Variants in HUNK observed in about 807,000 individuals in gnomAD.
HUNK encodes the protein hormonally up-regulated neu tumor-associated kinase.
A neutral mutation model predicts 61.0 loss-of-function variants in HUNK; 21 were observed. That is an observed-to-expected ratio of 0.34 (90% CI 0.24 to 0.50). HUNK has a LOEUF of 0.50. Among genes scored for constraint, HUNK ranks in the 20% least tolerant of loss-of-function variants. HUNK has a pLI of 0.98. For synonymous variants in HUNK, 371 were observed against 386.1 expected, an observed-to-expected ratio of 0.96 and a Z score of 0.46; for missense variants, 772 against 945.7, an observed-to-expected ratio of 0.82 and a Z score of 2.41.
At chr21:31,992,291 C>T (rs1362561704) in intron 9 of HUNK, among the ~76,000 whole-genome samples, 1 of 152,206 alleles carries the variant, frequency 6.6e-6, no homozygotes, top group African/African-American at 2.4e-5. Context: ...TGGGTTTCCC[C>T]CTCCTGTAGG....
intron 8 of HUNK, among the ~76,000 whole-genome samples, chr21:31,984,832 G>T (rs576448402): frequency 6.6e-6 from 1 of 152,138 alleles, no homozygotes. Flanking sequence ...GGGACACCCA[G>T]GTCTATTAGT....
At chr21:31,956,873 C>T (rs2052892991) in intron 4 of HUNK, among the ~76,000 whole-genome samples, 1 of 152,224 alleles carries the variant, frequency 6.6e-6, no homozygotes, top group African/African-American at 2.4e-5. Flanking sequence ...TATTCCTCCC[C>T]TGGGGTACGT....
chr21:31,998,008 C>G lies in HUNK; in HGVS notation c.1487-518C>G, dbSNP rs545454483. Among the ~76,000 whole-genome samples the G allele has an allele frequency of 2.4e-3, 360 of 152,292 alleles. 1 individual carries two copies. Among genetic ancestry groups the G allele is most frequent in the Non-Finnish European group, 4.0e-3 (275 of 68,032 alleles). ...TCACGGCTCACTGCAGCCTCCACTT[C>G]CCAGGCTCAGGTGATCCTCCCACCT... On this transcript the variant is annotated intron_variant, in intron 10 of 10. Coordinates refer to ENST00000270112, the MANE Select transcript of HUNK (RefSeq NM_014586.2).
Position 31,924,816 on chromosome 21 carries a change from G to C in HUNK, c.554+56G>C. ...ACTGTGTGCTCCGTGGGTGGCACTG[G>C]GCTGTGGCACCCTCTGAGCCTCTGA... On this transcript the variant is annotated intron_variant, in intron 2 of 10. Transcript: ENST00000270112. This position sits in a 1 kb window ranked among gnomAD's most constrained non-coding sequence, Gnocchi z 5.1. 1 of 1,441,574 alleles carries C rather than the reference G, an allele frequency of 6.9e-7. No individual in the cohort carries two copies. 89.3% of individuals were successfully genotyped at this position (1,441,574 alleles called of 1,614,324 possible).
Position 31,998,730 on chromosome 21 carries a change from C to T in HUNK, c.1691C>T (p.Ser564Phe). 8 of 1,614,156 alleles carry T rather than the reference C, an allele frequency of 5.0e-6. No individual in the cohort carries two copies. The highest frequency in any genetic ancestry group is 6.8e-6 in the Non-Finnish European group (8 of 1,180,034). The change falls in exon 11 of 11, where the codon TCT (serine) becomes TTT (phenylalanine). Residue 564 changes from serine to phenylalanine, a missense_variant. Coordinates refer to ENST00000270112, the MANE Select transcript of HUNK (RefSeq NM_014586.2). ...LMLDMVRSFESVDRDDHVEVL... is the reference protein window; with the variant it reads ...LMLDMVRSFEFVDRDDHVEVL... ...CTGGACATGGTGCGCTCCTTCGAGT[C>T]TGTGGATCGCGACGACCACGTAGAA... is the stretch of plus-strand genomic sequence containing the variant.
rs778535708 is a variant in HUNK, at chr21:31,998,997, G to A, written c.1958G>A (p.Ser653Asn). The A allele has an allele frequency of 2.5e-6, 4 of 1,614,180 alleles. No individual in the cohort carries two copies. The highest frequency in any genetic ancestry group is 1.7e-5 in the Admixed American group (1 of 60,030). Residue 653 changes from serine (S) to asparagine (N), a missense_variant, in exon 11 of 11, where the codon AGC (serine) becomes AAC (asparagine). Ser to Asn is a conservative substitution (Grantham distance 46). Coordinates refer to ENST00000270112, the MANE Select transcript of HUNK (RefSeq NM_014586.2). ...PSNGPMQPLGSPNCVKSRGRF... is the reference protein window; with the variant it reads ...PSNGPMQPLGNPNCVKSRGRF... ...AATGGCCCCATGCAGCCTCTGGGGA[G>A]CCCCAATTGTGTGAAAAGCCGAGGC...
At chr21:31,997,302 A>C (rs1227946187) in intron 10 of HUNK, among the ~76,000 whole-genome samples, 2 of 152,210 alleles carry the variant, frequency 1.3e-5, no homozygotes, top group African/African-American at 4.8e-5. Context: ...GACAGAAACC[A>C]TGGGGATCTG....
intron 7 of HUNK, among the ~76,000 whole-genome samples, chr21:31,982,342 C>T (rs151147292): frequency 6.6e-5 from 10 of 152,194 alleles, no homozygotes; most frequent in African/African-American, 2.4e-4. Flanking sequence ...TGAATTAATC[C>T]CTACAGACAA....
intron 10 of HUNK, among the ~76,000 whole-genome samples, chr21:31,998,111 G>A (rs2053218746): frequency 6.6e-6 from 1 of 152,114 alleles, no homozygotes; most frequent in Non-Finnish European, 1.5e-5. Context: ...TAGAGACGGG[G>A]TCTTGCCATA....
In HUNK at chr21:31,995,842, C is replaced by G; in HGVS notation, c.1380C>G (p.Asn460Lys). Residue 460 changes from asparagine to lysine, a missense_variant, in exon 10 of 11, where the codon AAC becomes AAG. Physicochemically the swap from Asn to Lys is moderately conservative, Grantham distance 94. Around this residue, in one of 2 missense-constraint regions of HUNK, gnomAD observed 413 missense variants for 444.4 expected, o/e 0.93. Coordinates refer to ENST00000270112, the MANE Select transcript of HUNK (RefSeq NM_014586.2). Reference sequence around the variant, plus strand: ...CATTCTCCAAGAAGTTGGACAAGAACCTGCCCTCGCACAAACAGCCCTCAG... The same window carrying G: ...CATTCTCCAAGAAGTTGGACAAGAAGCTGCCCTCGCACAAACAGCCCTCAG... ...HRPFSKKLDK[N>K]LPSHKQPSGS... The G allele has an allele frequency of 6.2e-7, 1 of 1,613,996 alleles. No homozygotes were observed. Among genetic ancestry groups the G allele is most frequent in the East Asian group, 2.2e-5 (1 of 44,878 alleles).
chr21:31,913,066 C>T (rs2052557165), intron 1 of HUNK, among the ~76,000 whole-genome samples: 1 of 152,194 alleles, frequency 6.6e-6, no homozygotes, highest in Non-Finnish European at 1.5e-5. Context: ...TTGATTCCCT[C>T]TTTCCCTTGC....
chr21:31,873,534 C>T lies in HUNK; in HGVS notation c.-141C>T. ...GGCGCGGGGGGCGTGATCGCGGCGG[C>T]CCCGGGCTCTGGGTGCGGAGACCCA... On this transcript the variant is annotated 5_prime_UTR_variant, in exon 1 of 11. Transcript: ENST00000270112. This position sits in a 1 kb window ranked among gnomAD's most constrained non-coding sequence, Gnocchi z 6.1. 1.6e-6 allele frequency: 1 copy of T among 620,166 alleles called. No homozygotes were observed. The highest frequency in any genetic ancestry group is 2.0e-6 in the Non-Finnish European group (1 of 495,930). The allele number at this position is 620,166 out of a possible 1,614,324, so 38.4% of individuals were successfully genotyped here.
intron 9 of HUNK, among the ~76,000 whole-genome samples, chr21:31,993,283 C>A (rs558202020): frequency 3.3e-5 from 5 of 152,204 alleles, no homozygotes; most frequent in African/African-American, 1.2e-4. Context: ...TACTGGTCCG[C>A]AGAAGTTTTG....
At chr21:31,891,848 G>T (rs1012852476) in intron 1 of HUNK, among the ~76,000 whole-genome samples, 1 of 152,150 alleles carries the variant, frequency 6.6e-6, no homozygotes. Flanking sequence ...AGGGCTTGTT[G>T]TTGGTTTTGT....
intron 7 of HUNK, among the ~76,000 whole-genome samples, chr21:31,977,323 G>A: frequency 6.6e-6 from 1 of 152,138 alleles, no homozygotes; most frequent in East Asian, 1.9e-4. Flanking sequence ...TCAGATAAAA[G>A]GAAGAAAAGA....
At position 31,924,853 on chromosome 21, in the gene HUNK, C is replaced by A. The variant is rs13050585; in HGVS notation, c.554+93C>A. The A allele has an allele frequency of 0.12, 113,661 of 942,966 alleles. 7,063 individuals carry two copies. The highest frequency in any genetic ancestry group is 0.14 in the Middle Eastern group (393 of 2,824). 58.4% of individuals were successfully genotyped at this position (942,966 alleles called of 1,614,324 possible). A position where few individuals can be genotyped will look rare whatever the true frequency, so the allele number is the denominator to read the frequency against. On this transcript the variant is annotated intron_variant, in intron 2 of 10. Coordinates refer to ENST00000270112, the MANE Select transcript of HUNK (RefSeq NM_014586.2). The surrounding 1 kb of genome is among the most constrained non-coding windows in gnomAD (Gnocchi z 5.1). ...CTCTGAGCCTCTGAGAAAGGCTGAGCAATTGCAGCCTGTTTTACAATTTGT... is the reference window on the plus strand; with the variant it reads ...CTCTGAGCCTCTGAGAAAGGCTGAGAAATTGCAGCCTGTTTTACAATTTGT...
chr21:31,987,459 C>T (rs1160530617), intron 8 of HUNK, among the ~76,000 whole-genome samples: 1 of 152,188 alleles, frequency 6.6e-6, no homozygotes, highest in African/African-American at 2.4e-5. Flanking sequence ...CCCTGGTCCA[C>T]GCTGACCTGA....
intron 7 of HUNK, among the ~76,000 whole-genome samples, chr21:31,979,593 G>T (rs2053078985): frequency 7.9e-6 from 1 of 126,878 alleles, no homozygotes; most frequent in South Asian, 2.7e-4. Flanking sequence ...TCAGCTCACT[G>T]CAAGCTCCGC....
At chr21:31,885,410 C>T (rs1335236361) in intron 1 of HUNK, among the ~76,000 whole-genome samples, 7 of 152,320 alleles carry the variant, frequency 4.6e-5, no homozygotes, top group East Asian at 1.9e-4. Context: ...GCCTGACGAC[C>T]GTCTCTGAAT....
Sources: gnomAD v4.1 joint callset for allele counts (sites outside exome capture counted in the v4.1 genomes callset) on GRCh38, gnomAD v4.1.1 for gene constraint, gnomAD v4.1.1 regional missense constraint, Gnocchi (gnomAD v3.1) non-coding constraint, MANE v1.5 for transcripts, NCBI Gene and HGNC (gene_info 2026-07-23, HGNC 2026-07-21) for gene names.